Variants in LAMB3 observed in about 807,000 individuals in gnomAD.
The protein encoded by LAMB3 is laminin subunit beta-3.
LAMB3 carries 104 observed loss-of-function variants against 140.3 expected under a neutral mutation model. That is an observed-to-expected ratio of 0.74 (90% CI 0.63 to 0.87). The LOEUF is 0.87. LAMB3 is among the 40% of genes least tolerant of loss of function. The pLI, the probability that LAMB3 is intolerant of heterozygous loss-of-function variation, is 0.00. For synonymous variants in LAMB3, 592 were observed against 602.9 expected (o/e 0.98, Z 0.26); for missense variants, 1,531 against 1,575.2 (o/e 0.97, Z 0.47).
chr1:209,632,997 C>T (rs1666750134), intron 7 of LAMB3, 73 bp downstream of exon 7: 1 of 1,244,202 alleles, frequency 8.0e-7, no homozygotes, highest in Non-Finnish European at 1.2e-6. Context: ...CAGGAAATTT[C>T]CATGACCTGG....
chr1:209,645,394 C>T (rs115055310), intron 3 of LAMB3, among the ~76,000 whole-genome samples: 45 of 152,242 alleles, frequency 3.0e-4, no homozygotes, highest in Non-Finnish European at 5.9e-4. Flanking sequence ...AAGCTTTAGA[C>T]CTGCTTAGGG....
At position 209,623,127 on chromosome 1, in the gene LAMB3, T is replaced by A. The variant is rs764622148; in HGVS notation, c.2411A>T (p.Glu804Val). ...TGTGCCATTGTCTTGGGGACATAGC[T>A]CACCAGGGCATGATATTGGGGTGCA... is the stretch of plus-strand genomic sequence containing the variant. ...MACTPISCPG[E>V]LCPQDNGTAC... The change falls in exon 17 of 23, where the codon GAG becomes GTG. Residue 804 changes from glutamate (E) to valine (V), a missense_variant. By Grantham distance (121) the Glu-to-Val change is moderately radical (BLOSUM62 -2). Coordinates refer to ENST00000356082, the MANE Select transcript of LAMB3 (RefSeq NM_000228.3). This position sits in a 1 kb window ranked among gnomAD's most constrained non-coding sequence, Gnocchi z 4.2. 4.3e-6 allele frequency: 7 copies of A among 1,614,038 alleles called. No homozygotes were observed. The highest frequency in any genetic ancestry group is 5.9e-6 in the Non-Finnish European group (7 of 1,180,042).
At chr1:209,633,037 A>T (rs777211547) in intron 7 of LAMB3, 33 bp downstream of exon 7, 1 of 1,493,236 alleles carries the variant, frequency 6.7e-7, no homozygotes. Flanking sequence ...TCCCACCCAT[A>T]GTTCCATGGA....
chr1:209,619,236 G>T (rs540768787), intron 18 of LAMB3, among the ~76,000 whole-genome samples: 40 of 152,282 alleles, frequency 2.6e-4, no homozygotes, highest in Non-Finnish European at 4.6e-4. Context: ...GTCCCTCCCT[G>T]CCTTATCTTT....
chr1:209,641,602 C>T (rs1457829653), intron 3 of LAMB3, among the ~76,000 whole-genome samples: 1 of 152,100 alleles, frequency 6.6e-6, no homozygotes, highest in East Asian at 1.9e-4. Context: ...ACAGCGAGCC[C>T]CAAGGCCCCA....
chr1:209,631,538 C>T (rs1230794767), intron 8 of LAMB3, among the ~76,000 whole-genome samples: 1 of 152,172 alleles, frequency 6.6e-6, no homozygotes, highest in Non-Finnish European at 1.5e-5. Context: ...ACCTGGGGAA[C>T]ATTTTTTAAA....
intron 18 of LAMB3, among the ~76,000 whole-genome samples, chr1:209,620,685 G>A (rs1666157011): frequency 6.6e-6 from 1 of 152,238 alleles, no homozygotes; most frequent in Admixed American, 6.5e-5. Context: ...TTACTTGTGT[G>A]CAAAGTGGAA....
chr1:209,645,549 C>T (rs1016999395), intron 3 of LAMB3, among the ~76,000 whole-genome samples: 2 of 151,984 alleles, frequency 1.3e-5, no homozygotes, highest in African/African-American at 2.4e-5. Context: ...AACCCTGTCT[C>T]TACTAAAAAT....
In LAMB3 at chr1:209,644,757, C is replaced by A. The variant is rs184405487; in HGVS notation, c.183+5207G>T. Among the ~76,000 whole-genome samples, 885 of 152,360 alleles carry A rather than the reference C, an allele frequency of 5.8e-3. 6 individuals carry two copies. Among genetic ancestry groups the A allele is most frequent in the South Asian group, 0.011 (53 of 4,824 alleles). On this transcript the variant is annotated intron_variant, in intron 3 of 22. Transcript: ENST00000356082. ...ACTGGAAAGGCAACCTCAACTTCAG[C>A]ACAGACATCTCCAGAAAGAGGGATG...
chr1:209,632,131 G>A (rs568713424), intron 8 of LAMB3, among the ~76,000 whole-genome samples: 3 of 152,182 alleles, frequency 2.0e-5, no homozygotes, highest in African/African-American at 4.8e-5. Context: ...GTCTCTCACC[G>A]TGCCCCATAT....
Position 209,630,625 on chromosome 1 carries a change from A to G in LAMB3, c.933T>C (p.His311=), listed in dbSNP as rs1433663476. ...PWRPAEGQDA[H]ECQRCDCNGH... ...ATCCAAAGCTCCTACTTTGGCATTC[A>G]TGGGCGTCCTGGCCCTCCGCCGGTC... is the stretch of plus-strand genomic sequence containing the variant. The change falls in exon 9 of 23, where the codon CAT becomes CAC. Residue 311 remains histidine, a synonymous_variant. Transcript: ENST00000356082. The G allele has an allele frequency of 3.1e-6, 5 of 1,614,006 alleles. No homozygotes were observed. The Admixed American group carries it at 6.7e-5, about 22-fold the overall frequency.
Position 209,644,599 on chromosome 1 carries a change from CT to C in LAMB3, c.183+5364del, listed in dbSNP as rs76117460. ...TGACTCCAAAACTACCTGTGCTGTT[CT>C]TTTTTTTTTTTCTTTCCTCCCCAGC... On this transcript the variant is annotated intron_variant, in intron 3 of 22. Coordinates refer to ENST00000356082, the MANE Select transcript of LAMB3 (RefSeq NM_000228.3). Among the ~76,000 whole-genome samples the C allele has an allele frequency of 5.4e-3, 798 of 146,878 alleles. 9 individuals are homozygous for C. The highest frequency in any genetic ancestry group is 0.017 in the African/African-American group (679 of 40,378).
At chr1:209,651,191 G>A (rs2076563808) in intron 1 of LAMB3, 2 of 556,982 alleles carry the variant, frequency 3.6e-6, no homozygotes, top group East Asian at 6.3e-5. Flanking sequence ...CTCACAGGGT[G>A]CCCTGGGAAA....
intron 3 of LAMB3, among the ~76,000 whole-genome samples, chr1:209,649,111 A>G (rs1170941853): frequency 6.6e-6 from 1 of 152,192 alleles, no homozygotes. Context: ...CTAGAAGGGC[A>G]GTGAGGCCCA....
chr1:209,616,405 C>G, intron 22 of LAMB3, 66 bp downstream of exon 22: 1 of 1,589,182 alleles, frequency 6.3e-7, no homozygotes, highest in Non-Finnish European at 8.6e-7. Flanking sequence ...CTTCAGAAGC[C>G]TTGGGTTGGG....
chr1:209,620,290 C>A (rs905753392), intron 18 of LAMB3, among the ~76,000 whole-genome samples: 5 of 152,174 alleles, frequency 3.3e-5, no homozygotes, highest in Admixed American at 1.3e-4. Flanking sequence ...GGCACATGAA[C>A]AAGGAAGTAC....
At chr1:209,630,002 C>T in intron 9 of LAMB3, 77 bp from the exon 10 acceptor site, 1 of 1,400,418 alleles carries the variant, frequency 7.1e-7, no homozygotes, top group Non-Finnish European at 1.0e-6. Context: ...CAAAAGCTCA[C>T]TGGCATCTGT....
rs1036541126 is a variant in LAMB3, at chr1:209,650,137, G to A, written c.29-19C>T. On this transcript the variant is annotated intron_variant, in intron 2 of 22. Transcript: ENST00000356082. ...GGCAGGGCTGAAATCACAGGGATGT[G>A]TGATGGAGCAGTCCAGAAAAAAAGG... The A allele has an allele frequency of 2.5e-6, 4 of 1,608,070 alleles. No individual in the cohort carries two copies. The African/African-American group carries it at 5.3e-5, about 22-fold the overall frequency.
At chr1:209,618,697 A>G (rs1353190521) in intron 18 of LAMB3, 38 bp from the exon 19 acceptor site, 1 of 1,595,746 alleles carries the variant, frequency 6.3e-7, no homozygotes, top group Admixed American at 1.7e-5. Context: ...GGAGCCCACT[A>G]ACCTCCCCAG....
Sources: gnomAD v4.1 joint callset for allele counts (sites outside exome capture counted in the v4.1 genomes callset) on GRCh38, gnomAD v4.1.1 for gene constraint, Gnocchi (gnomAD v3.1) non-coding constraint, MANE v1.5 for transcripts, NCBI Gene and HGNC (gene_info 2026-07-23, HGNC 2026-07-21) for gene names.